Variants in TBC1D5 observed in about 807,000 individuals in gnomAD.
TBC1D5 encodes the protein TBC1 domain family, member 5.
A neutral mutation model predicts 100.3 loss-of-function variants in TBC1D5; 75 were observed. The ratio of observed to expected loss-of-function variants is 0.75; its 90% CI spans 0.62 to 0.91. TBC1D5 has a LOEUF of 0.91. Among genes scored for constraint, TBC1D5 ranks in the 40% least tolerant of loss-of-function variants. The probability of loss-of-function intolerance (pLI) is 0.00; values close to 1 mark genes in which losing one functional copy is unlikely to be tolerated. For missense variants in TBC1D5, 910 were observed against 942.4 expected (o/e 0.97, Z 0.45); for synonymous variants, 323 against 325.6 (o/e 0.99, Z 0.09).
intron 13 of TBC1D5, chr3:17,340,567 C>T (rs996535629): frequency 1.3e-5 from 2 of 152,198 alleles, no homozygotes; most frequent in African/African-American, 4.8e-5. Flanking sequence ...GAAGGAAGTA[C>T]ATGTCTGACA....
chr3:17,570,040 T>C (rs190290328), intron 2 of TBC1D5, among the ~76,000 whole-genome samples: 2 of 152,032 alleles, frequency 1.3e-5, no homozygotes, highest in East Asian at 1.9e-4. Flanking sequence ...GGTTCCACCA[T>C]TGGTATGAGA....
chr3:17,311,348 C>T (rs2084011289), intron 13 of TBC1D5, among the ~76,000 whole-genome samples: 1 of 151,790 alleles, frequency 6.6e-6, no homozygotes, highest in Non-Finnish European at 1.5e-5. Flanking sequence ...CATATTTTAC[C>T]ATATCTACTT....
chr3:17,730,494 C>T (rs1013355341), intron 1 of TBC1D5, among the ~76,000 whole-genome samples: 1 of 152,168 alleles, frequency 6.6e-6, no homozygotes, highest in Non-Finnish European at 1.5e-5. Flanking sequence ...CATTTAGTAC[C>T]TCTAGTAAAT....
intron 3 of TBC1D5, among the ~76,000 whole-genome samples, chr3:17,470,795 A>C (rs1015159659): frequency 2.6e-5 from 4 of 151,952 alleles, no homozygotes; most frequent in African/African-American, 9.7e-5. Context: ...GGTGGCGGGC[A>C]CCTGTAGTCC....
chr3:17,285,186 A>G (rs969775888), intron 15 of TBC1D5, among the ~76,000 whole-genome samples: 2 of 151,974 alleles, frequency 1.3e-5, no homozygotes, highest in African/African-American at 4.8e-5. Context: ...AGCATTATGA[A>G]AAGTAAATAA....
intron 3 of TBC1D5, among the ~76,000 whole-genome samples, chr3:17,450,327 C>G (rs960821796): frequency 2.0e-5 from 3 of 152,150 alleles, no homozygotes; most frequent in Non-Finnish European, 4.4e-5. Flanking sequence ...TACCTCTTCT[C>G]CTCCAAAGGA....
At chr3:17,713,548 T>C (rs2074958210) in intron 1 of TBC1D5, among the ~76,000 whole-genome samples, 1 of 152,178 alleles carries the variant, frequency 6.6e-6, no homozygotes, top group African/African-American at 2.4e-5. Flanking sequence ...AGCCAAATTA[T>C]TGTGTTTTTC....
intron 8 of TBC1D5, among the ~76,000 whole-genome samples, chr3:17,393,388 G>T (rs1350343453): frequency 1.3e-5 from 2 of 152,030 alleles, no homozygotes; most frequent in African/African-American, 4.8e-5. Context: ...CATGAAAATG[G>T]CCATACTGCC....
chr3:17,575,040 A>G (rs570109651), intron 2 of TBC1D5, among the ~76,000 whole-genome samples: 8 of 152,234 alleles, frequency 5.3e-5, no homozygotes, highest in East Asian at 3.9e-4. Context: ...AAAATTTCCA[A>G]TGTCCCAGGT....
intron 3 of TBC1D5, among the ~76,000 whole-genome samples, chr3:17,464,552 T>A (rs1192834913): frequency 6.6e-6 from 1 of 152,114 alleles, no homozygotes; most frequent in African/African-American, 2.4e-5. Flanking sequence ...AGAAACTGGG[T>A]CATAGAGCCC....
intron 1 of TBC1D5, among the ~76,000 whole-genome samples, chr3:17,689,619 T>C (rs747671116): frequency 2.0e-5 from 3 of 151,696 alleles, no homozygotes; most frequent in Non-Finnish European, 2.9e-5. Flanking sequence ...AGACAATGTA[T>C]ACTACAGAAA....
chr3:17,443,418 C>T (rs2094712459), intron 3 of TBC1D5, among the ~76,000 whole-genome samples: 2 of 152,210 alleles, frequency 1.3e-5, no homozygotes. Context: ...CAATGTATAG[C>T]CAATCACTAA....
rs548028941 is a variant in TBC1D5 at position 17,677,413 on chromosome 3, G to A, written c.-100-53500C>T. Among the ~76,000 whole-genome samples the A allele has an allele frequency of 1.3e-4, 20 of 152,292 alleles. No individual in the cohort carries two copies. In the East Asian group the frequency reaches 3.5e-3, roughly 26 times the overall value. On this transcript the variant is annotated intron_variant, in intron 1 of 21. Coordinates refer to ENST00000253692, the Ensembl canonical transcript of TBC1D5. The stretch of plus-strand genomic sequence containing the variant: ...ACATGAAAAAATGCTCATCATCACT[G>A]GCCATCAGAGAAATGCAAAGCAAAA...
intron 2 of TBC1D5, among the ~76,000 whole-genome samples, chr3:17,601,472 T>C (rs1038236872): frequency 1.8e-4 from 28 of 152,202 alleles, no homozygotes; most frequent in African/African-American, 3.9e-4. Flanking sequence ...GATTGCGCCA[T>C]TGCACTCCAG....
intron 1 of TBC1D5, among the ~76,000 whole-genome samples, chr3:17,679,231 T>C (rs1177966288): frequency 6.6e-6 from 1 of 151,242 alleles, no homozygotes; most frequent in Non-Finnish European, 1.5e-5. Context: ...ATGAAGTTTG[T>C]ATAATGCAAC....
intron 1 of TBC1D5, among the ~76,000 whole-genome samples, chr3:17,695,181 G>A (rs2071819709): frequency 6.6e-6 from 1 of 152,124 alleles, no homozygotes; most frequent in Non-Finnish European, 1.5e-5. Context: ...TGAAGAAACT[G>A]CATCAATTAA....
chr3:17,690,961 A>T (rs1231271901), intron 1 of TBC1D5, among the ~76,000 whole-genome samples: 1 of 152,212 alleles, frequency 6.6e-6, no homozygotes, highest in Non-Finnish European at 1.5e-5. Context: ...GAGGAAAAAA[A>T]ATCTGTTTAA....
chr3:17,489,174 G>A (rs550248320), intron 3 of TBC1D5, among the ~76,000 whole-genome samples: 55 of 151,588 alleles, frequency 3.6e-4, no homozygotes, highest in Non-Finnish European at 7.5e-4. Context: ...AAACAAGAAT[G>A]TTTGCTGTAG....
intron 2 of TBC1D5, among the ~76,000 whole-genome samples, chr3:17,546,492 G>A (rs559269625): frequency 1.4e-4 from 21 of 152,130 alleles, no homozygotes; most frequent in Admixed American, 5.2e-4. Context: ...AGCCAGGCAC[G>A]GTGGCTCACA....
Sources: gnomAD v4.1 joint callset for allele counts (sites outside exome capture counted in the v4.1 genomes callset) on GRCh38, gnomAD v4.1.1 for gene constraint, MANE v1.5 for transcripts, NCBI Gene and HGNC (gene_info 2026-07-23, HGNC 2026-07-21) for gene names.